Variants in LRRTM4 observed in about 807,000 individuals in gnomAD.
LRRTM4 encodes the protein leucine-rich repeat transmembrane neuronal protein 4.
In LRRTM4, 25 loss-of-function variants were observed where a neutral mutation model predicts 47.6. The observed-to-expected ratio is 0.53, with a 90% confidence interval of 0.38 to 0.73. The LOEUF (loss-of-function observed/expected upper bound fraction) is 0.73, where lower values mean the gene tolerates loss of function less well. Ranked by LOEUF, LRRTM4 falls within the 30% of genes least tolerant of loss-of-function variation. The probability of loss-of-function intolerance (pLI) is 0.00; values close to 1 mark genes in which losing one functional copy is unlikely to be tolerated. For missense variants in LRRTM4, 638 were observed against 713.4 expected (o/e 0.89, Z 1.20); for synonymous variants, 311 against 269.5 (o/e 1.15, Z -1.51).
At chr2:77,316,698 C>T (rs982364088) in intron 3 of LRRTM4, among the ~76,000 whole-genome samples, 22 of 152,062 alleles carry the variant, frequency 1.4e-4, no homozygotes, top group African/African-American at 5.1e-4. Context: ...CTAGCACATG[C>T]CACCACACCT....
chr2:77,401,942 AC>A (rs1213862677), intron 3 of LRRTM4, among the ~76,000 whole-genome samples: 11 of 152,142 alleles, frequency 7.2e-5, no homozygotes, highest in Admixed American at 2.0e-4. Context: ...GTTTGAAAGA[AC>A]GACTATTTTA....
intron 3 of LRRTM4, among the ~76,000 whole-genome samples, chr2:77,083,236 T>C (rs1407044375): frequency 6.6e-6 from 1 of 152,190 alleles, no homozygotes; most frequent in Non-Finnish European, 1.5e-5. Context: ...ATTGTTAATG[T>C]CTTCAGTTTT....
chr2:77,505,960 C>T (rs144863244), intron 3 of LRRTM4, among the ~76,000 whole-genome samples: 4 of 151,308 alleles, frequency 2.6e-5, no homozygotes, highest in East Asian at 1.9e-4. Context: ...GAAGAGAGAG[C>T]GATACAAAAA....
chr2:76,801,536 G>T (rs1378942881), intron 3 of LRRTM4, among the ~76,000 whole-genome samples: 2 of 152,050 alleles, frequency 1.3e-5, no homozygotes, highest in South Asian at 2.1e-4. Flanking sequence ...AGGGGGAAGG[G>T]ATAGCATTAG....
intron 3 of LRRTM4, among the ~76,000 whole-genome samples, chr2:77,135,539 G>A (rs1016616262): frequency 2.0e-5 from 3 of 152,140 alleles, no homozygotes; most frequent in Non-Finnish European, 4.4e-5. Flanking sequence ...TAAAATATAG[G>A]AGGATTTGAT....
chr2:77,281,790 G>A (rs1249727084), intron 3 of LRRTM4, among the ~76,000 whole-genome samples: 4 of 151,764 alleles, frequency 2.6e-5, no homozygotes, highest in Non-Finnish European at 5.9e-5. Context: ...TGCAAATAAA[G>A]TCACAAAAAT....
chr2:77,212,500 G>C lies in LRRTM4; in HGVS notation c.1551+305818C>G, dbSNP rs550116327. 2.7e-3 allele frequency among the ~76,000 whole-genome samples: 407 copies of C among 149,432 alleles called. 2 individuals are homozygous for C. The highest frequency in any genetic ancestry group is 4.2e-3 in the Non-Finnish European group (283 of 67,448). On this transcript the variant is annotated intron_variant, in intron 3 of 3. Coordinates refer to ENST00000409884, the MANE Select transcript of LRRTM4 (RefSeq NM_001134745.3). ...AGAGAGAGAGAGAGAGAGAGCGAGA[G>C]AGTTAATCTCGTGTATATATATATG...
intron 3 of LRRTM4, among the ~76,000 whole-genome samples, chr2:77,444,066 GGTAA>G (rs1558746181): frequency 2.0e-5 from 3 of 152,052 alleles, no homozygotes; most frequent in African/African-American, 4.8e-5. Context: ...CTCTTAAACA[GGTAA>G]GTAAGAGCTT....
chr2:76,793,518 C>G (rs1675091059), intron 3 of LRRTM4, among the ~76,000 whole-genome samples: 2 of 151,936 alleles, frequency 1.3e-5, no homozygotes, highest in African/African-American at 4.8e-5. Context: ...TGGACAATAT[C>G]TAGGCATCAA....
intron 3 of LRRTM4, among the ~76,000 whole-genome samples, chr2:77,026,939 CTTAA>C (rs1163277549): frequency 6.6e-6 from 1 of 152,036 alleles, no homozygotes; most frequent in East Asian, 1.9e-4. Context: ...TATGGCACAA[CTTAA>C]TTAAAGCCAA....
intron 3 of LRRTM4, among the ~76,000 whole-genome samples, chr2:76,826,865 G>C (rs2103879517): frequency 6.6e-6 from 1 of 151,906 alleles, no homozygotes; most frequent in Middle Eastern, 3.4e-3. Context: ...TGTAGCCAAA[G>C]GGATGGAGAT....
chr2:77,107,514 T>C (rs996987625), intron 3 of LRRTM4, among the ~76,000 whole-genome samples: 10 of 152,104 alleles, frequency 6.6e-5, no homozygotes, highest in African/African-American at 2.4e-5. Flanking sequence ...ATTGAACATA[T>C]AGCAAGTGAT....
intron 3 of LRRTM4, among the ~76,000 whole-genome samples, chr2:76,928,260 G>C (rs184386023): frequency 6.6e-6 from 1 of 152,180 alleles, no homozygotes; most frequent in Non-Finnish European, 1.5e-5. Context: ...GTGTTAATTG[G>C]AGTTCTCTAT....
At chr2:76,782,980 TC>T (rs1427728800) in intron 3 of LRRTM4, among the ~76,000 whole-genome samples, 2 of 152,184 alleles carry the variant, frequency 1.3e-5, no homozygotes, top group Non-Finnish European at 2.9e-5. Flanking sequence ...TCTTAAAAAT[TC>T]CTTTTAATCT....
At chr2:77,356,874 G>A (rs942256753) in intron 3 of LRRTM4, among the ~76,000 whole-genome samples, 1 of 152,092 alleles carries the variant, frequency 6.6e-6, no homozygotes, top group Non-Finnish European at 1.5e-5. Context: ...TAAAATTGTT[G>A]TGAAGGCCTA....
intron 3 of LRRTM4, among the ~76,000 whole-genome samples, chr2:77,136,393 C>T (rs1020421773): frequency 3.3e-5 from 5 of 152,180 alleles, no homozygotes; most frequent in African/African-American, 9.7e-5. Flanking sequence ...CCAGCAAACT[C>T]CACCAGACCT....
chr2:77,415,703 C>T (rs1674610953), intron 3 of LRRTM4, among the ~76,000 whole-genome samples: 1 of 152,004 alleles, frequency 6.6e-6, no homozygotes, highest in African/African-American at 2.4e-5. Context: ...CAGGTTACCT[C>T]CTAAAAATGT....
intron 3 of LRRTM4, among the ~76,000 whole-genome samples, chr2:76,866,516 G>T (rs1322447831): frequency 1.3e-5 from 2 of 150,284 alleles, no homozygotes; most frequent in Admixed American, 1.3e-4. Context: ...TTCTAAGACT[G>T]ATTTAAAATC....
chr2:77,153,313 T>C (rs1481994707), intron 3 of LRRTM4, among the ~76,000 whole-genome samples: 1 of 152,196 alleles, frequency 6.6e-6, no homozygotes, highest in African/African-American at 2.4e-5. Flanking sequence ...ACGTTTTCTG[T>C]AATACTTTGT....
Sources: allele counts gnomAD v4.1 joint callset (sites outside exome capture counted in the v4.1 genomes callset), GRCh38; gene constraint gnomAD v4.1.1; transcripts MANE v1.5; gene names NCBI Gene and HGNC (gene_info 2026-07-23, HGNC 2026-07-21).